SMAD3: variants seen among roughly 807,000 people sequenced by gnomAD.
SMAD3 encodes SMAD family member 3, also known as MAD homolog 3.
Under a neutral mutation model 51.8 loss-of-function variants are expected in SMAD3, and 12 were observed. The observed-to-expected ratio is 0.23, with a 90% CI of 0.15 to 0.38. SMAD3 has a LOEUF of 0.38. Among genes scored for constraint, SMAD3 ranks in the 10% least tolerant of loss-of-function variants. SMAD3 has a pLI of 1.00. For synonymous variants in SMAD3, 238 were observed against 227.7 expected (o/e 1.05, Z -0.41); for missense variants, 294 against 565.6 (o/e 0.52, Z 4.87).
At chr15:67,160,634 G>A (rs998447245) in intron 1 of SMAD3, among the ~76,000 whole-genome samples, 2 of 151,874 alleles carry the variant, frequency 1.3e-5, no homozygotes, top group South Asian at 4.1e-4. Flanking sequence ...AGCCGGGCGC[G>A]GTGCCAGGCG....
chr15:67,151,696 G>T (rs1433600394), intron 1 of SMAD3, among the ~76,000 whole-genome samples: 2 of 151,838 alleles, frequency 1.3e-5, no homozygotes, highest in East Asian at 3.9e-4. Context: ...TTTTTAAATT[G>T]ACAAATAATT....
rs770999871 is a variant in SMAD3, at chr15:67,181,472, C to T, written c.871+19C>T. On this transcript the variant is annotated intron_variant, in intron 6 of 8. Transcript: ENST00000327367. ...CACATCGGTATGGGGTGGCTCCATT[C>T]CCCGCCCCCCCACCCTGCCCCTGCC... The T allele has an allele frequency of 9.1e-6, 11 of 1,205,606 alleles. No individual in the cohort carries two copies. In the African/African-American group the frequency reaches 1.7e-4, roughly 19 times the overall value. The allele number at this position is 1,205,606 out of a possible 1,614,324, so 74.7% of individuals were successfully genotyped here. A position where few individuals can be genotyped will look rare whatever the true frequency, so the allele number is the denominator to read the frequency against.
intron 4 of SMAD3, 44 bp downstream of exon 4, chr15:67,166,897 G>A: frequency 1.4e-6 from 2 of 1,466,222 alleles, no homozygotes; most frequent in Non-Finnish European, 1.9e-6. Flanking sequence ...CTGATTAGCA[G>A]CTGGTGGGTT....
At chr15:67,079,408 A>G (rs1960236505) in intron 1 of SMAD3, among the ~76,000 whole-genome samples, 1 of 152,216 alleles carries the variant, frequency 6.6e-6, no homozygotes, top group Non-Finnish European at 1.5e-5. Context: ...AATCATAAAT[A>G]TTGCACAAAA....
chr15:67,181,788 TA>T (rs1209915078), intron 6 of SMAD3, among the ~76,000 whole-genome samples: 8 of 91,280 alleles, frequency 8.8e-5, no homozygotes, highest in Non-Finnish European at 9.6e-5. Context: ...ATATGAAATC[TA>T]TTTTTTTTTT....
chr15:67,189,142 C>G (rs1440408926), intron 8 of SMAD3, among the ~76,000 whole-genome samples: 2 of 152,150 alleles, frequency 1.3e-5, no homozygotes, highest in African/African-American at 4.8e-5. Flanking sequence ...GAAAATTAAT[C>G]TTTTTTTAGT....
chr15:67,134,692 C>G (rs1209343809), intron 1 of SMAD3, among the ~76,000 whole-genome samples: 3 of 152,206 alleles, frequency 2.0e-5, no homozygotes, highest in Non-Finnish European at 4.4e-5. Flanking sequence ...ACTAAAGGCG[C>G]GACTCTGGCT....
At chr15:67,121,240 C>T (rs912756674) in intron 1 of SMAD3, among the ~76,000 whole-genome samples, 4 of 152,216 alleles carry the variant, frequency 2.6e-5, no homozygotes, top group South Asian at 2.1e-4. Flanking sequence ...GGGATTTCCA[C>T]GCGGCCCCAG....
At chr15:67,144,591 T>C (rs74020114) in intron 1 of SMAD3, among the ~76,000 whole-genome samples, 2,769 of 152,312 alleles carry the variant, frequency 0.018, 82 homozygotes, top group African/African-American at 0.062. Flanking sequence ...TGATGGTGCT[T>C]GTAGGGCACA....
chr15:67,098,687 C>G (rs374153657), intron 1 of SMAD3: 1 of 569,748 alleles, frequency 1.8e-6, no homozygotes, highest in Non-Finnish European at 3.1e-6. Context: ...AGAAAACAAG[C>G]TTCGGGAGTT....
intron 1 of SMAD3, among the ~76,000 whole-genome samples, chr15:67,097,741 A>C (rs568787576): frequency 2.6e-5 from 4 of 152,274 alleles, no homozygotes; most frequent in African/African-American, 9.6e-5. Context: ...AATGGTCATG[A>C]TGGTGAAGAA....
intron 1 of SMAD3, among the ~76,000 whole-genome samples, chr15:67,134,200 C>T (rs79783885): frequency 0.028 from 4,210 of 152,128 alleles, 68 homozygotes; most frequent in Non-Finnish European, 0.04. Context: ...ACCCCTGCAA[C>T]GCCCCACCAA....
At chr15:67,183,344 T>A (rs1963137624) in intron 6 of SMAD3, among the ~76,000 whole-genome samples, 1 of 151,970 alleles carries the variant, frequency 6.6e-6, no homozygotes, top group African/African-American at 2.4e-5. Context: ...ATGCCCGGCC[T>A]ATTTTTTTAA....
intron 1 of SMAD3, among the ~76,000 whole-genome samples, chr15:67,086,878 C>T (rs1960404724): frequency 1.3e-5 from 2 of 148,262 alleles, no homozygotes; most frequent in South Asian, 4.4e-4. Context: ...CCCACTATCA[C>T]ATTGCATATC....
chr15:67,184,908 G>C (rs765675110), intron 7 of SMAD3, 44 bp downstream of exon 7: 7 of 1,610,590 alleles, frequency 4.3e-6, no homozygotes, highest in Non-Finnish European at 5.1e-6. Flanking sequence ...GTCCCTCTCC[G>C]AGTGCATGCC....
chr15:67,137,551 G>A (rs1241647707), intron 1 of SMAD3, among the ~76,000 whole-genome samples: 1 of 152,148 alleles, frequency 6.6e-6, no homozygotes, highest in Non-Finnish European at 1.5e-5. Context: ...TTTGGTTAGT[G>A]ACTTTCATGG....
chr15:67,091,197 C>G (rs1960500888), intron 1 of SMAD3, among the ~76,000 whole-genome samples: 1 of 152,210 alleles, frequency 6.6e-6, no homozygotes, highest in Non-Finnish European at 1.5e-5. Context: ...GAACCAAGTC[C>G]CCTTATTCTT....
rs886051379 is a variant in SMAD3, at chr15:67,066,055, C to T, written c.-100C>T. On this transcript the variant is annotated 5_prime_UTR_variant, in exon 1 of 9. Transcript: ENST00000327367. ...AGAGTTGAGGCGAAGTTTGGGCGAC[C>T]GCGGCAGGCCCCGGCCGAGCTCCCC... 5.7e-6 allele frequency: 4 copies of T among 696,202 alleles called. No individual in the cohort carries two copies. The African/African-American group carries it at 5.7e-5, about 10-fold the overall frequency. 43.1% of individuals were successfully genotyped at this position (696,202 alleles called of 1,614,324 possible).
In SMAD3 at chr15:67,194,836, GCATTA is replaced by G. The variant is rs766854989; in HGVS notation, c.*4303_*4307del. ...CCCCACTCCCTTGCTAGGGGTGAAA[GCATTA>G]CAGAGAGATGGAGCCATCTATCCAA... is the stretch of plus-strand genomic sequence containing the variant. On this transcript the variant is annotated 3_prime_UTR_variant, in exon 9 of 9. Coordinates refer to ENST00000327367, the MANE Select transcript of SMAD3 (RefSeq NM_005902.4). 11 of 233,032 alleles carry G rather than the reference GCATTA, an allele frequency of 4.7e-5. No individual in the cohort carries two copies. The highest frequency in any genetic ancestry group is 6.8e-5 in the Non-Finnish European group (8 of 117,636). 14.4% of individuals were successfully genotyped at this position (233,032 alleles called of 1,614,324 possible).
Sources: gnomAD v4.1 joint callset for allele counts (sites outside exome capture counted in the v4.1 genomes callset) on GRCh38, gnomAD v4.1.1 for gene constraint, MANE v1.5 for transcripts, NCBI Gene and HGNC (gene_info 2026-07-23, HGNC 2026-07-21) for gene names.